The following FER variants were observed in gnomAD, a reference collection of about 807,000 sequenced individuals.
FER encodes FER tyrosine kinase.
FER carries 63 observed loss-of-function variants against 111.0 expected under a neutral mutation model. The ratio of observed to expected loss-of-function variants is 0.57; its 90% CI spans 0.46 to 0.70. FER has a LOEUF of 0.70. Ranked by LOEUF, FER falls within the 30% of genes least tolerant of loss-of-function variation. The pLI is 0.00. For missense variants in FER, 914 were observed against 954.0 expected, an observed-to-expected ratio of 0.96 and a Z score of 0.55; for synonymous variants, 327 against 313.9, an observed-to-expected ratio of 1.04 and a Z score of -0.44.
intron 16 of FER, among the ~76,000 whole-genome samples, chr5:109,058,790 C>T (rs540915410): frequency 8.1e-6 from 1 of 122,924 alleles, no homozygotes; most frequent in South Asian, 2.8e-4. Context: ...GGGAGTGCAA[C>T]TGTGCGATCT....
Position 108,832,958 on chromosome 5 carries a change from A to G in FER, c.381+15A>G. 6.6e-7 allele frequency: 1 copy of G among 1,522,380 alleles called. No individual in the cohort carries two copies. Among genetic ancestry groups the G allele is most frequent in the Non-Finnish European group, 8.8e-7 (1 of 1,132,104 alleles). The allele number at this position is 1,522,380 out of a possible 1,614,324, so 94.3% of individuals were successfully genotyped here. ...AGATGATCAAGGTTCGTTTTTCCATATTGAAGTTCTTTCTTGAAATTGTTT... is the reference window on the plus strand; with the variant it reads ...AGATGATCAAGGTTCGTTTTTCCATGTTGAAGTTCTTTCTTGAAATTGTTT... On this transcript the variant is annotated intron_variant, in intron 4 of 19. Coordinates refer to ENST00000281092, the MANE Select transcript of FER (RefSeq NM_005246.4).
intron 17 of FER, among the ~76,000 whole-genome samples, chr5:109,133,000 T>C (rs956033032): frequency 4.6e-5 from 7 of 152,188 alleles, no homozygotes; most frequent in African/African-American, 1.4e-4. Flanking sequence ...TGTCCTCATA[T>C]GTAGTTTCCA....
intron 14 of FER, among the ~76,000 whole-genome samples, chr5:109,044,014 T>C (rs1029943043): frequency 2.0e-5 from 3 of 151,966 alleles, no homozygotes; most frequent in African/African-American, 7.3e-5. Flanking sequence ...ATTATAGCTA[T>C]GTAAAAAATA....
In FER at chr5:108,954,868, G is replaced by T. The variant is rs375338865; in HGVS notation, c.1469G>T (p.Gly490Val). The change falls in exon 12 of 20, where the codon GGT becomes GTT. Residue 490 changes from glycine (G) to valine (V), a missense_variant. Physicochemically the swap from Gly to Val is moderately radical, Grantham distance 109. Coordinates refer to ENST00000281092, the MANE Select transcript of FER (RefSeq NM_005246.4). ...FLVRESHGKP[G>V]EYVLSVYSDG... Reference sequence around the variant, plus strand: ...GTGCGAGAGAGTCATGGGAAACCTGGTGAATATGTCCTTTCTGTATATTCT... The same window carrying T: ...GTGCGAGAGAGTCATGGGAAACCTGTTGAATATGTCCTTTCTGTATATTCT... The T allele has an allele frequency of 2.5e-6, 4 of 1,611,544 alleles. No homozygotes were observed. Among genetic ancestry groups the T allele is most frequent in the Non-Finnish European group, 3.4e-6 (4 of 1,179,080 alleles).
intron 17 of FER, among the ~76,000 whole-genome samples, chr5:109,118,288 G>A (rs1313586183): frequency 1.3e-5 from 2 of 152,120 alleles, no homozygotes; most frequent in African/African-American, 2.4e-5. Context: ...CGTTGGTTCT[G>A]TTTATATGCT....
At chr5:109,104,781 C>T (rs921869334) in intron 17 of FER, among the ~76,000 whole-genome samples, 9 of 151,916 alleles carry the variant, frequency 5.9e-5, no homozygotes, top group African/African-American at 1.9e-4. Flanking sequence ...CTCACTCTGT[C>T]GCCCAGGCTG....
chr5:109,155,529 T>C (rs1755272397), intron 17 of FER, among the ~76,000 whole-genome samples: 1 of 152,020 alleles, frequency 6.6e-6, no homozygotes, highest in South Asian at 2.1e-4. Context: ...TTAAGATTAA[T>C]TGTAGCCCAA....
At chr5:108,876,590 G>T (rs928871547) in intron 8 of FER, among the ~76,000 whole-genome samples, 1 of 152,146 alleles carries the variant, frequency 6.6e-6, no homozygotes, top group African/African-American at 2.4e-5. Context: ...GCAGAATGTG[G>T]ATTATTTTGT....
At chr5:109,157,745 G>A (rs1184876758) in intron 17 of FER, among the ~76,000 whole-genome samples, 1 of 152,054 alleles carries the variant, frequency 6.6e-6, no homozygotes, top group Non-Finnish European at 1.5e-5. Flanking sequence ...TAGTTTCAAA[G>A]TTTAAGTGGC....
At chr5:109,129,823 A>G (rs78945118) in intron 17 of FER, among the ~76,000 whole-genome samples, 5,186 of 152,126 alleles carry the variant, frequency 0.034, 144 homozygotes, top group South Asian at 0.084. Context: ...TCTTAAGGCA[A>G]TAATCAAAAC....
chr5:109,150,808 T>C (rs1754754917), intron 17 of FER, among the ~76,000 whole-genome samples: 2 of 152,218 alleles, frequency 1.3e-5, no homozygotes, highest in East Asian at 1.9e-4. Flanking sequence ...CAGAACAATC[T>C]GTCATTTATT....
In FER at chr5:108,845,961, C is replaced by T. The variant is rs917989875; in HGVS notation, c.481+10154C>T. Among the ~76,000 whole-genome samples, 4 of 152,114 alleles carry T rather than the reference C, an allele frequency of 2.6e-5. No individual in the cohort carries two copies. The South Asian group carries it at 8.3e-4, about 32-fold the overall frequency. On this transcript the variant is annotated intron_variant, in intron 5 of 19. Coordinates refer to ENST00000281092, the MANE Select transcript of FER (RefSeq NM_005246.4). Reference sequence around the variant, plus strand: ...TTGCATAAAATCTCGCTAGTCATGACTAAGGATACAATTTTCTTAGTCATG... The same window carrying T: ...TTGCATAAAATCTCGCTAGTCATGATTAAGGATACAATTTTCTTAGTCATG...
chr5:108,925,502 T>G (rs925593230), intron 10 of FER, among the ~76,000 whole-genome samples: 5 of 152,088 alleles, frequency 3.3e-5, no homozygotes, highest in Admixed American at 6.5e-5. Flanking sequence ...TCTGTTGTGT[T>G]GGTGAAGAAT....
At chr5:108,807,744 T>G (rs902029467) in intron 3 of FER, among the ~76,000 whole-genome samples, 1 of 152,122 alleles carries the variant, frequency 6.6e-6, no homozygotes, top group Non-Finnish European at 1.5e-5. Context: ...CTTTTTGAGG[T>G]GGTGTTTAGT....
chr5:109,101,226 G>T (rs139441581), intron 17 of FER, among the ~76,000 whole-genome samples: 1 of 151,928 alleles, frequency 6.6e-6, no homozygotes, highest in Non-Finnish European at 1.5e-5. Context: ...ATATGGCTAA[G>T]TATAAATAAG....
chr5:109,026,665 A>T (rs1290910780), intron 13 of FER, among the ~76,000 whole-genome samples: 2 of 152,080 alleles, frequency 1.3e-5, no homozygotes, highest in Admixed American at 6.6e-5. Context: ...GAATCATCTT[A>T]TGTATTGTGA....
chr5:108,939,489 A>C (rs1441999887), intron 10 of FER, among the ~76,000 whole-genome samples: 1 of 152,032 alleles, frequency 6.6e-6, no homozygotes, highest in Non-Finnish European at 1.5e-5. Flanking sequence ...CCATGTCGTC[A>C]AGGATTTGTT....
chr5:108,824,386 TG>T (rs1040647699), intron 3 of FER, among the ~76,000 whole-genome samples: 2 of 152,122 alleles, frequency 1.3e-5, no homozygotes, highest in Non-Finnish European at 2.9e-5. Flanking sequence ...TAGATTGTTT[TG>T]GGTGGTATGG....
intron 14 of FER, among the ~76,000 whole-genome samples, chr5:109,038,624 G>A (rs1343648307): frequency 2.6e-5 from 4 of 151,890 alleles, no homozygotes; most frequent in Admixed American, 2.6e-4. Flanking sequence ...TAAAAGCAGT[G>A]ACTCATATGT....
Sources: gnomAD v4.1 joint callset for allele counts (sites outside exome capture counted in the v4.1 genomes callset) on GRCh38, gnomAD v4.1.1 for gene constraint, MANE v1.5 for transcripts, NCBI Gene and HGNC (gene_info 2026-07-23, HGNC 2026-07-21) for gene names.